Variants in CES5A observed in about 807,000 individuals in gnomAD.
The protein encoded by CES5A is carboxylesterase 5A.
CES5A carries 67 observed loss-of-function variants against 62.9 expected under a neutral mutation model. The observed-to-expected ratio is 1.07, with a 90% confidence interval of 0.88 to 1.31. The LOEUF is 1.31. Among genes scored for constraint, CES5A ranks in the 50% most tolerant of loss-of-function variants. The pLI is 0.00. For synonymous variants in CES5A, 296 were observed against 280.8 expected, an observed-to-expected ratio of 1.05 and a Z score of -0.54; for missense variants, 748 against 708.5, an observed-to-expected ratio of 1.06 and a Z score of -0.63.
At chr16:55,882,522 C>A (rs1384518471) in intron 1 of CES5A, among the ~76,000 whole-genome samples, 1 of 152,194 alleles carries the variant, frequency 6.6e-6, no homozygotes, top group Non-Finnish European at 1.5e-5. Flanking sequence ...ATCACCTAGG[C>A]AACAGGACTG....
chr16:55,942,647 G>A (rs1022348102), intron 2 of CES5A, among the ~76,000 whole-genome samples: 8 of 152,176 alleles, frequency 5.3e-5, no homozygotes, highest in Non-Finnish European at 2.9e-5. Flanking sequence ...ATTTACTCAT[G>A]TGTCTATTGT....
At chr16:55,934,212 T>G (rs2034343781) in intron 2 of CES5A, among the ~76,000 whole-genome samples, 4 of 152,220 alleles carry the variant, frequency 2.6e-5, no homozygotes. Context: ...ATTGTATAAT[T>G]AATTATTTGT....
At chr16:55,934,019 G>C (rs765994243) in intron 2 of CES5A, among the ~76,000 whole-genome samples, 1 of 148,690 alleles carries the variant, frequency 6.7e-6, no homozygotes, top group East Asian at 2.4e-4. Flanking sequence ...CCTTGCACTT[G>C]TTGTTCCTGC....
chr16:55,856,481 G>T (rs1239171960), intron 8 of CES5A, 36 bp from the exon 9 acceptor site: 8 of 1,602,450 alleles, frequency 5.0e-6, no homozygotes, highest in Non-Finnish European at 6.8e-6. Context: ...AAGCCATCTG[G>T]TCATGAGAAG....
chr16:55,918,028 G>A (rs557445470), intron 1 of CES5A, among the ~76,000 whole-genome samples: 194 of 152,304 alleles, frequency 1.3e-3, no homozygotes, highest in Non-Finnish European at 2.4e-3. Context: ...ACAAGATTTG[G>A]AAAGTAGGAA....
rs377018672 is a variant in CES5A at position 55,864,729 on chromosome 16, T to TA, written c.705+1233dup. On this transcript the variant is annotated intron_variant, in intron 5 of 12. Transcript: ENST00000290567. ...GGGCAATATAGCTAGACCCCATCTC[T>TA]AAAAAAATTTTAAAAAATAAAAAAA... Among the ~76,000 whole-genome samples the TA allele has an allele frequency of 3.7e-3, 568 of 151,954 alleles. 2 individuals carry two copies. Among genetic ancestry groups the TA allele is most frequent in the Middle Eastern group, 0.034 (10 of 294 alleles).
chr16:55,899,444 T>C (rs1223670654), intron 1 of CES5A, among the ~76,000 whole-genome samples: 1 of 152,178 alleles, frequency 6.6e-6, no homozygotes, highest in African/African-American at 2.4e-5. Flanking sequence ...AAAATCCAAC[T>C]TGGAAAGAGG....
At chr16:55,863,518 T>C (rs1219612197) in intron 5 of CES5A, 66 bp from the exon 6 acceptor site, 13 of 849,128 alleles carry the variant, frequency 1.5e-5, no homozygotes, top group Admixed American at 1.4e-4. Context: ...CATTCATCCC[T>C]CTTCAAAGAA....
chr16:55,916,867 G>C lies in CES5A; in HGVS notation c.-256+8456C>G, dbSNP rs574372468. 7.2e-5 allele frequency among the ~76,000 whole-genome samples: 11 copies of C among 152,240 alleles called. 1 individual carries two copies. In the South Asian group the frequency reaches 2.3e-3, roughly 32 times the overall value. On this transcript the variant is annotated intron_variant, in intron 1 of 12. Transcript: ENST00000518005. ...TCTTCCACTCCAGCTGCTGGTCCAG[G>C]TTGCCAATCAACTCCCTGTGGTCAA...
At chr16:55,850,617 C>T (rs1407368588) in intron 10 of CES5A, among the ~76,000 whole-genome samples, 3 of 152,194 alleles carry the variant, frequency 2.0e-5, no homozygotes, top group South Asian at 2.1e-4. Flanking sequence ...TTTTGTTTAT[C>T]GATTCATCAG....
intron 1 of CES5A, among the ~76,000 whole-genome samples, chr16:55,919,845 G>C (rs2034184445): frequency 6.6e-6 from 1 of 152,174 alleles, no homozygotes; most frequent in South Asian, 2.1e-4. Context: ...TTGCCCGGCA[G>C]TGTGCCAGGC....
chr16:55,914,679 C>T (rs1441349311), intron 1 of CES5A, among the ~76,000 whole-genome samples: 1 of 152,128 alleles, frequency 6.6e-6, no homozygotes, highest in Admixed American at 6.5e-5. Flanking sequence ...TGGACTCTAA[C>T]GTTTGAGAAT....
intron 2 of CES5A, among the ~76,000 whole-genome samples, chr16:55,931,889 C>A (rs1567359352): frequency 6.6e-6 from 1 of 152,202 alleles, no homozygotes; most frequent in Non-Finnish European, 1.5e-5. Context: ...AAATGCATAT[C>A]AGACATGGGC....
intron 1 of CES5A, among the ~76,000 whole-genome samples, chr16:55,899,320 A>T (rs2033965958): frequency 6.6e-6 from 1 of 152,140 alleles, no homozygotes; most frequent in Non-Finnish European, 1.5e-5. Flanking sequence ...CTTCCTGGAT[A>T]AGGTTTCCAA....
intron 1 of CES5A, among the ~76,000 whole-genome samples, chr16:55,901,972 A>G (rs1369005454): frequency 6.6e-6 from 1 of 152,196 alleles, no homozygotes; most frequent in African/African-American, 2.4e-5. Context: ...TCAACAGGGA[A>G]GGATCGCAGC....
upstream of CES5A, among the ~76,000 whole-genome samples, chr16:55,930,287 C>A (rs187692449): frequency 4.9e-4 from 74 of 151,966 alleles, no homozygotes; most frequent in African/African-American, 1.7e-3. Flanking sequence ...TTAAATAGTC[C>A]CCTGTCCAGC....
chr16:55,866,316 A>G (rs2033459497), intron 4 of CES5A, among the ~76,000 whole-genome samples, 200 bp from the exon 5 acceptor site: 2 of 152,150 alleles, frequency 1.3e-5, no homozygotes, highest in South Asian at 2.1e-4. Context: ...GATGAAAGCT[A>G]TGCACCTAAG....
chr16:55,849,362 T>A (rs977460708), intron 11 of CES5A, among the ~76,000 whole-genome samples: 15 of 137,686 alleles, frequency 1.1e-4, no homozygotes, highest in African/African-American at 2.7e-4. Flanking sequence ...AAAAAAAAAA[T>A]ATTTAGATTG....
intron 1 of CES5A, among the ~76,000 whole-genome samples, chr16:55,894,079 A>G (rs1338003143): frequency 6.6e-6 from 1 of 152,196 alleles, no homozygotes; most frequent in Non-Finnish European, 1.5e-5. Flanking sequence ...AAAACTGATG[A>G]AAGAAAAATA....
Sources: allele counts gnomAD v4.1 joint callset (sites outside exome capture counted in the v4.1 genomes callset), GRCh38; gene constraint gnomAD v4.1.1; transcripts MANE v1.5; gene names NCBI Gene and HGNC (gene_info 2026-07-23, HGNC 2026-07-21).